Variants in PXDNL observed in about 807,000 individuals in gnomAD.
The protein encoded by PXDNL is probable oxidoreductase PXDNL.
In PXDNL, 145 loss-of-function variants were observed where a neutral mutation model predicts 150.8. The ratio of observed to expected loss-of-function variants is 0.96; its 90% CI spans 0.84 to 1.10. The LOEUF is 1.10. Among genes scored for constraint, PXDNL ranks in the 50% least tolerant of loss-of-function variants. The pLI, the probability that PXDNL is intolerant of heterozygous loss-of-function variation, is 0.00. For synonymous variants in PXDNL, 757 were observed against 725.7 expected (o/e 1.04, Z -0.69); for missense variants, 2,087 against 1,873.9 (o/e 1.11, Z -2.10).
chr8:51,371,837 A>G, intron 19 of PXDNL, 36 bp downstream of exon 19: 5 of 1,519,774 alleles, frequency 3.3e-6, no homozygotes, highest in East Asian at 2.3e-5. Flanking sequence ...GAACATGCAC[A>G]TCAATCCAGA....
intron 2 of PXDNL, among the ~76,000 whole-genome samples, chr8:51,648,236 T>C (rs1814964686): frequency 6.6e-6 from 1 of 152,232 alleles, no homozygotes; most frequent in African/African-American, 2.4e-5. Context: ...TATCAGGTCG[T>C]AATTCCTGGA....
chr8:51,415,552 C>T (rs892277966), intron 14 of PXDNL, among the ~76,000 whole-genome samples: 1 of 152,092 alleles, frequency 6.6e-6, no homozygotes, highest in South Asian at 2.1e-4. Flanking sequence ...CCCACCAGGC[C>T]CCTCCTCCAA....
intron 20 of PXDNL, among the ~76,000 whole-genome samples, chr8:51,344,159 T>C (rs1183684336): frequency 1.3e-5 from 2 of 152,076 alleles, no homozygotes; most frequent in Admixed American, 6.6e-5. Flanking sequence ...GGGTGGAGTA[T>C]AGTGCCGTGA....
intron 1 of PXDNL, among the ~76,000 whole-genome samples, chr8:51,768,812 T>C (rs886151684): frequency 1.3e-5 from 2 of 152,160 alleles, no homozygotes; most frequent in Non-Finnish European, 2.9e-5. Context: ...AGAATGCACA[T>C]TGGCCAGGCA....
Position 51,319,955 on chromosome 8 carries a change from T to G in PXDNL, c.4328A>C (p.Lys1443Thr). Reference sequence around the variant, plus strand: ...TCTGCAAACTGGACAGCAGGTTCCTTTCACCAATTCAGGACTGGGACAGGG... The same window carrying G: ...TCTGCAAACTGGACAGCAGGTTCCTGTCACCAATTCAGGACTGGGACAGGG... ...PAPCPSPELV[K>T]GTCCPVCRDR... The change falls in exon 23 of 23, where the codon AAA becomes ACA. Residue 1443 changes from lysine to threonine, a missense_variant. Coordinates refer to ENST00000356297, the MANE Select transcript of PXDNL (RefSeq NM_144651.5). 1 of 1,580,434 alleles carries G rather than the reference T, an allele frequency of 6.3e-7. No homozygotes were observed. The highest frequency in any genetic ancestry group is 8.6e-7 in the Non-Finnish European group (1 of 1,164,270).
At chr8:51,387,733 A>T (rs557905550) in intron 17 of PXDNL, among the ~76,000 whole-genome samples, 12 of 152,318 alleles carry the variant, frequency 7.9e-5, no homozygotes, top group African/African-American at 2.9e-4. Context: ...ACCGCTAAAA[A>T]TGTTTTTGTT....
chr8:51,494,345 A>G (rs941783040), intron 5 of PXDNL, among the ~76,000 whole-genome samples: 3 of 152,214 alleles, frequency 2.0e-5, no homozygotes, highest in Non-Finnish European at 4.4e-5. Flanking sequence ...TGTAAAGACC[A>G]TCGAGACTAG....
intron 1 of PXDNL, among the ~76,000 whole-genome samples, chr8:51,702,275 G>A (rs1292679308): frequency 1.3e-5 from 2 of 152,082 alleles, no homozygotes. Flanking sequence ...AGTTGGCATC[G>A]ACTCTGCTAC....
intron 1 of PXDNL, among the ~76,000 whole-genome samples, chr8:51,735,401 C>T (rs1401438762): frequency 6.6e-6 from 1 of 151,836 alleles, no homozygotes; most frequent in African/African-American, 2.4e-5. Flanking sequence ...AGGAGCATCA[C>T]TTGAACCCTG....
chr8:51,799,760 T>C (rs990520123), intron 1 of PXDNL, among the ~76,000 whole-genome samples: 2 of 152,154 alleles, frequency 1.3e-5, no homozygotes, highest in Admixed American at 6.5e-5. Context: ...GATCTAGGTA[T>C]GAAGAACAAA....
At chr8:51,652,177 T>C (rs1815053970) in intron 2 of PXDNL, among the ~76,000 whole-genome samples, 1 of 152,178 alleles carries the variant, frequency 6.6e-6, no homozygotes. Flanking sequence ...GCTGTGTTCA[T>C]ATAAGAGCCA....
chr8:51,750,451 C>G (rs543386811), intron 1 of PXDNL, among the ~76,000 whole-genome samples: 1 of 152,092 alleles, frequency 6.6e-6, no homozygotes, highest in Non-Finnish European at 1.5e-5. Flanking sequence ...CAGACACCTG[C>G]GTAATGCATT....
At chr8:51,556,060 C>A (rs10093497) in intron 4 of PXDNL, among the ~76,000 whole-genome samples, 1 of 151,886 alleles carries the variant, frequency 6.6e-6, no homozygotes, top group Admixed American at 6.6e-5. Context: ...TCTCTTGAGG[C>A]CAAAAGTTCA....
intron 5 of PXDNL, among the ~76,000 whole-genome samples, chr8:51,488,572 T>C (rs1452353913): frequency 6.6e-6 from 1 of 152,216 alleles, no homozygotes; most frequent in Non-Finnish European, 1.5e-5. Context: ...GGAATTTTTG[T>C]GGAGCTGAAA....
At chr8:51,625,313 A>C (rs755015512) in intron 2 of PXDNL, among the ~76,000 whole-genome samples, 18 of 152,224 alleles carry the variant, frequency 1.2e-4, no homozygotes, top group Non-Finnish European at 1.9e-4. Flanking sequence ...GTATGATTTT[A>C]AAATATTACT....
At chr8:51,730,491 A>G (rs2130932844) in intron 1 of PXDNL, among the ~76,000 whole-genome samples, 1 of 152,296 alleles carries the variant, frequency 6.6e-6, no homozygotes, top group East Asian at 1.9e-4. Flanking sequence ...CAGTTTACCA[A>G]TTGTCTACTA....
In PXDNL at chr8:51,530,765, C is replaced by T. The variant is rs1811882725; in HGVS notation, c.380+26075G>A. Among the ~76,000 whole-genome samples, 3 of 152,182 alleles carry T rather than the reference C, an allele frequency of 2.0e-5. 1 individual carries two copies. Among genetic ancestry groups the T allele is most frequent in the Admixed American group, 1.3e-4 (2 of 15,284 alleles). ...CAGTCCTGCTGTGAGGGCTTCCCTA[C>T]ACCCTATTTAACACCACATCCCACC... On this transcript the variant is annotated intron_variant, in intron 4 of 22. Transcript: ENST00000356297.
intron 2 of PXDNL, among the ~76,000 whole-genome samples, chr8:51,633,528 T>C (rs1289714705): frequency 2.0e-5 from 3 of 152,180 alleles, no homozygotes; most frequent in African/African-American, 7.2e-5. Flanking sequence ...TGTGTTCTCC[T>C]TTCTCTGCAG....
intron 1 of PXDNL, among the ~76,000 whole-genome samples, chr8:51,796,987 G>A (rs1243541275): frequency 6.6e-6 from 1 of 152,132 alleles, no homozygotes; most frequent in African/African-American, 2.4e-5. Context: ...TGATCAAGTT[G>A]GCATCATCCC....
Sources: allele counts gnomAD v4.1 joint callset (sites outside exome capture counted in the v4.1 genomes callset), GRCh38; gene constraint gnomAD v4.1.1; transcripts MANE v1.5; gene names NCBI Gene and HGNC (gene_info 2026-07-23, HGNC 2026-07-21).